The following ATAD2 variants were observed in gnomAD, a reference collection of about 807,000 sequenced individuals.
The protein encoded by ATAD2 is ATPase family AAA domain-containing protein 2.
ATAD2 carries 62 observed loss-of-function variants against 168.9 expected under a neutral mutation model. The ratio of observed to expected loss-of-function variants is 0.37; its 90% confidence interval spans 0.30 to 0.45. ATAD2 has a LOEUF of 0.45. Ranked by LOEUF, ATAD2 falls within the 20% of genes least tolerant of loss-of-function variation. The pLI is 1.00. For missense variants in ATAD2, 1,419 were observed against 1,667.8 expected, an observed-to-expected ratio of 0.85 and a Z score of 2.60; for synonymous variants, 613 against 571.6, an observed-to-expected ratio of 1.07 and a Z score of -1.03.
intron 8 of ATAD2, among the ~76,000 whole-genome samples, chr8:123,362,518 C>T (rs765853569): frequency 7.9e-5 from 12 of 151,308 alleles, no homozygotes; most frequent in Non-Finnish European, 1.6e-4. Flanking sequence ...TCCAGTTGAG[C>T]AATTCTCCTG....
At position 123,333,907 on chromosome 8, in the gene ATAD2, G is replaced by T. The variant is rs202196971; in HGVS notation, c.3449C>A (p.Pro1150Gln). 1 of 1,613,982 alleles carries T rather than the reference G, an allele frequency of 6.2e-7. No homozygotes were observed. Among genetic ancestry groups the T allele is most frequent in the Non-Finnish European group, 8.5e-7 (1 of 1,179,950 alleles). ...AGTGCTGCAAGCCACAGGAGTACTC[G>T]GTGTCTTTAGCTTTTCATTCTGCTC... Reference protein sequence around the residue: ...DPEQNEKLKTPSTPVACSTPA... With the variant: ...DPEQNEKLKTQSTPVACSTPA... The change falls in exon 24 of 28, where the codon CCG (proline) becomes CAG (glutamine). Residue 1150 changes from proline (P) to glutamine (Q), a missense_variant. This residue lies in a region of ATAD2 where 303 missense variants were observed against 304.3 expected (regional missense o/e 1.00). Transcript: ENST00000287394.
At chr8:123,337,528 T>TA (rs1183427893) in intron 21 of ATAD2, 97 bp downstream of exon 21, 1 of 1,160,138 alleles carries the variant, frequency 8.6e-7, no homozygotes, top group African/African-American at 1.6e-5. Flanking sequence ...TAAAACTAGT[T>TA]AAGAGTGTAG....
chr8:123,377,988 C>T (rs537970299), intron 2 of ATAD2, among the ~76,000 whole-genome samples: 3 of 152,190 alleles, frequency 2.0e-5, no homozygotes, highest in East Asian at 1.9e-4. Flanking sequence ...TTCTTCAGAT[C>T]GTCAAAAACA....
At chr8:123,329,618 C>A (rs1827716025) in intron 24 of ATAD2, among the ~76,000 whole-genome samples, 1 of 151,836 alleles carries the variant, frequency 6.6e-6, no homozygotes, top group South Asian at 2.1e-4. Context: ...AAAAAATTTG[C>A]CGGGCATGGT....
chr8:123,383,609 T>C (rs1018050206), intron 1 of ATAD2, among the ~76,000 whole-genome samples: 1 of 151,748 alleles, frequency 6.6e-6, no homozygotes, highest in Admixed American at 6.6e-5. Context: ...CTGTCTCTAC[T>C]AAAAATACAA....
chr8:123,327,209 G>A (rs1442625003), intron 25 of ATAD2, among the ~76,000 whole-genome samples: 1 of 152,186 alleles, frequency 6.6e-6, no homozygotes, highest in Non-Finnish European at 1.5e-5. Context: ...TGACCGTGAA[G>A]AGAGACTTTT....
chr8:123,358,688 C>A (rs957722689), intron 11 of ATAD2, among the ~76,000 whole-genome samples: 4 of 149,832 alleles, frequency 2.7e-5, no homozygotes. Context: ...TTAAAACCCA[C>A]CAGTGTTTAC....
chr8:123,377,438 G>T (rs976452957), intron 2 of ATAD2, among the ~76,000 whole-genome samples: 2 of 151,960 alleles, frequency 1.3e-5, no homozygotes, highest in African/African-American at 2.4e-5. Context: ...TTATAAACTT[G>T]AATAATGTAC....
chr8:123,396,075 C>T, intron 1 of ATAD2, 112 bp downstream of exon 1: 14 of 1,226,278 alleles, frequency 1.1e-5, no homozygotes, highest in Non-Finnish European at 1.5e-5. Context: ...ACTTCTCCCC[C>T]GACAACTGTC....
intron 8 of ATAD2, among the ~76,000 whole-genome samples, chr8:123,363,517 A>C (rs1828880646): frequency 6.6e-6 from 1 of 152,200 alleles, no homozygotes; most frequent in Non-Finnish European, 1.5e-5. Flanking sequence ...ATGAGAAAAT[A>C]ATCTTTCACC....
chr8:123,336,563 A>G (rs1332722103), intron 21 of ATAD2, 31 bp from the exon 22 acceptor site: 1 of 1,464,752 alleles, frequency 6.8e-7, no homozygotes, highest in Admixed American at 2.7e-5. Context: ...CAAATCACAA[A>G]ATTAACTCTA....
At chr8:123,389,117 C>A (rs1327891057) in intron 1 of ATAD2, among the ~76,000 whole-genome samples, 1 of 144,382 alleles carries the variant, frequency 6.9e-6, no homozygotes, top group Non-Finnish European at 1.5e-5. Flanking sequence ...CAGGAGCCTG[C>A]TACCACGCCC....
At chr8:123,370,856 A>T in intron 6 of ATAD2, 47 bp downstream of exon 6, 3 of 1,414,738 alleles carry the variant, frequency 2.1e-6, no homozygotes, top group Non-Finnish European at 2.9e-6. Context: ...CTAAATAAAA[A>T]GTTCTTAAAT....
intron 13 of ATAD2, among the ~76,000 whole-genome samples, chr8:123,350,324 T>C (rs1828410536): frequency 6.6e-6 from 1 of 152,210 alleles, no homozygotes; most frequent in South Asian, 2.1e-4. Flanking sequence ...AATTCATAAA[T>C]ATTTCATGTA....
At chr8:123,413,357 G>A (rs183821824) in intron 1 of ATAD2, among the ~76,000 whole-genome samples, 3 of 151,782 alleles carry the variant, frequency 2.0e-5, no homozygotes, top group East Asian at 1.9e-4. Context: ...TGTTTTCATC[G>A]CTTTGACTGA....
At chr8:123,367,548 G>A (rs1167028805) in intron 8 of ATAD2, among the ~76,000 whole-genome samples, 1 of 152,122 alleles carries the variant, frequency 6.6e-6, no homozygotes, top group Non-Finnish European at 1.5e-5. Flanking sequence ...GCCTGGTGGT[G>A]GTGGGGATTC....
rs959997080 is a variant in ATAD2 at position 123,346,988 on chromosome 8, C to G, written c.2212+104G>C. 28 of 1,301,254 alleles carry G rather than the reference C, an allele frequency of 2.2e-5. No individual in the cohort carries two copies. In the South Asian group the frequency reaches 4.0e-4, roughly 19 times the overall value. 80.6% of individuals were successfully genotyped at this position (1,301,254 alleles called of 1,614,324 possible). On this transcript the variant is annotated intron_variant, in intron 16 of 27. Transcript: ENST00000287394. The stretch of plus-strand genomic sequence containing the variant: ...ATCCCAGGTAAAGCATTACCAAATT[C>G]TTTTCAAGAGATTCTTTTACAAATA...
chr8:123,364,860 T>C (rs1261218356), intron 8 of ATAD2, among the ~76,000 whole-genome samples: 1 of 152,116 alleles, frequency 6.6e-6, no homozygotes, highest in East Asian at 1.9e-4. Flanking sequence ...CTCTGAGAAC[T>C]GGAACTAGAC....
At chr8:123,381,929 C>A (rs1829505184) in intron 1 of ATAD2, among the ~76,000 whole-genome samples, 1 of 152,040 alleles carries the variant, frequency 6.6e-6, no homozygotes, top group Admixed American at 6.6e-5. Flanking sequence ...GCATGTAATC[C>A]CAGCTACTTG....
Sources: gnomAD v4.1 joint callset for allele counts (sites outside exome capture counted in the v4.1 genomes callset) on GRCh38, gnomAD v4.1.1 for gene constraint, gnomAD v4.1.1 regional missense constraint, MANE v1.5 for transcripts, NCBI Gene and HGNC (gene_info 2026-07-23, HGNC 2026-07-21) for gene names.